The following C4BPB variants were observed in gnomAD, a reference collection of about 807,000 sequenced individuals.
C4BPB encodes the protein C4b-binding protein beta chain.
Under a neutral mutation model 26.6 loss-of-function variants are expected in C4BPB, and 19 were observed. That is an observed-to-expected ratio of 0.71 (90% confidence interval 0.50 to 1.05). The LOEUF is 1.05. Ranked by LOEUF, C4BPB falls within the 50% of genes least tolerant of loss-of-function variation. The probability of loss-of-function intolerance (pLI) is 0.00; values close to 1 mark genes in which losing one functional copy is unlikely to be tolerated. For missense variants in C4BPB, 282 were observed against 302.9 expected (o/e 0.93, Z 0.51); for synonymous variants, 118 against 103.5 (o/e 1.14, Z -0.85).
chr1:207,099,963 C>G lies in C4BPB; in HGVS notation c.*34C>G. Reference sequence around the variant, plus strand: ...CTGAGCAGATGTAATAGAAATAAACCTATGAATAAATTTTCTTCTTGGTTC... The same window carrying G: ...CTGAGCAGATGTAATAGAAATAAACGTATGAATAAATTTTCTTCTTGGTTC... On this transcript the variant is annotated 3_prime_UTR_variant, in exon 7 of 7. Transcript: ENST00000367078. 1 of 1,565,910 alleles carries G rather than the reference C, an allele frequency of 6.4e-7. No individual in the cohort carries two copies. The highest frequency in any genetic ancestry group is 8.6e-7 in the Non-Finnish European group (1 of 1,158,178).
At chr1:207,096,717 G>T in intron 5 of C4BPB, 102 bp downstream of exon 5, 1 of 674,802 alleles carries the variant, frequency 1.5e-6, no homozygotes. Flanking sequence ...ATTTCCTACT[G>T]CTGCAGGATT....
chr1:207,098,202 A>G lies in C4BPB; in HGVS notation c.556A>G (p.Ser186Gly). The G allele has an allele frequency of 6.2e-7, 1 of 1,614,154 alleles. No individual in the cohort carries two copies. The highest frequency in any genetic ancestry group is 2.2e-5 in the East Asian group (1 of 44,892). The change falls in exon 6 of 7, where the codon AGT (serine) becomes GGT (glycine). Residue 186 changes from serine to glycine, a missense_variant. Transcript: ENST00000367078. Reference protein sequence around the residue: ...EQQCVDGEWSSALPVCKLIQE... With the variant: ...EQQCVDGEWSGALPVCKLIQE... ...GCAATGCGTTGATGGGGAGTGGAGC[A>G]GTGCACTTCCAGTCTGCAAGTTGAT...
intron 4 of C4BPB, among the ~76,000 whole-genome samples, chr1:207,092,985 T>TC (rs1684099408): frequency 6.6e-6 from 1 of 152,206 alleles, no homozygotes; most frequent in Non-Finnish European, 1.5e-5. Flanking sequence ...CAGGATGCTA[T>TC]TATTTGCAGA....
At position 207,099,878 on chromosome 1, in the gene C4BPB, A is replaced by G; in HGVS notation, c.708A>G (p.Leu236=). The G allele has an allele frequency of 1.9e-6, 3 of 1,613,906 alleles. No homozygotes were observed. The highest frequency in any genetic ancestry group is 2.5e-6 in the Non-Finnish European group (3 of 1,179,784). Residue 236 remains leucine (L), a synonymous_variant, in exon 7 of 7, where the codon CTA becomes CTG. Transcript: ENST00000367078. ...LKESGMTMEE[L]KYSLELKKAE... ...AAAGTGGCATGACAATGGAGGAGCT[A>G]AAATATTCTCTGGAGCTGAAGAAAG...
Position 207,091,625 on chromosome 1 carries a change from T to C in C4BPB, c.233-19T>C. 1 of 1,606,172 alleles carries C rather than the reference T, an allele frequency of 6.2e-7. No individual in the cohort carries two copies. The highest frequency in any genetic ancestry group is 8.5e-7 in the Non-Finnish European group (1 of 1,175,694). ...CTTCAGCTTTGCCCTTTCAGCTTAT[T>C]GCTTATTTTCTTCTTCAGTGGGCCA... On this transcript the variant is annotated intron_variant, in intron 3 of 6. Coordinates refer to ENST00000367078, the MANE Select transcript of C4BPB (RefSeq NM_001017365.3).
In C4BPB at chr1:207,098,144, G is replaced by C. The variant is rs760444339; in HGVS notation, c.504-6G>C. 1 of 1,610,470 alleles carries C rather than the reference G, an allele frequency of 6.2e-7. No individual in the cohort carries two copies. The highest frequency in any genetic ancestry group is 1.7e-5 in the Admixed American group (1 of 59,988). ...AAAGCTAAGCCTTGTTCTAATTTCT[G>C]TTCAGGTACTACTTAGTGGGCGTGC... On this transcript the variant is annotated splice_polypyrimidine_tract_variant and splice_region_variant and intron_variant, in intron 5 of 6. Transcript: ENST00000367078.
At chr1:207,097,719 C>T (rs191052740) in intron 5 of C4BPB, 10 of 170,904 alleles carry the variant, frequency 5.9e-5, no homozygotes, top group Admixed American at 3.5e-4. Flanking sequence ...AGGCAACTCT[C>T]ATATTTTTCT....
intron 4 of C4BPB, among the ~76,000 whole-genome samples, chr1:207,093,344 A>C (rs1684115763): frequency 1.3e-5 from 2 of 152,224 alleles, no homozygotes; most frequent in East Asian, 3.8e-4. Context: ...GAAAATGATG[A>C]ATGATGTATA....
At chr1:207,098,021 T>C in intron 5 of C4BPB, 129 bp from the exon 6 acceptor site, 2 of 717,278 alleles carry the variant, frequency 2.8e-6, no homozygotes, top group Admixed American at 2.3e-5. Flanking sequence ...TAAGCATGCA[T>C]TGAGGCTCAA....
intron 4 of C4BPB, among the ~76,000 whole-genome samples, chr1:207,093,245 C>A (rs1365901733): frequency 2.6e-5 from 4 of 151,986 alleles, no homozygotes; most frequent in Non-Finnish European, 5.9e-5. Context: ...CAATGCCTCC[C>A]AGGATTTTAA....
At position 207,090,572 on chromosome 1, in the gene C4BPB, T is replaced by C. The variant is rs975690449; in HGVS notation, c.232+91T>C. 3.2e-6 allele frequency: 4 copies of C among 1,233,548 alleles called. No individual in the cohort carries two copies. In the African/African-American group the frequency reaches 4.5e-5, roughly 14 times the overall value. 76.4% of individuals were successfully genotyped at this position (1,233,548 alleles called of 1,614,324 possible). A position where few individuals can be genotyped will look rare whatever the true frequency, so the allele number is the denominator to read the frequency against. ...TCCTATAGGCTGTGGTAAAACTTTATAAGAAAACAAAAATTCTCAATTTCT... is the reference window on the plus strand; with the variant it reads ...TCCTATAGGCTGTGGTAAAACTTTACAAGAAAACAAAAATTCTCAATTTCT... On this transcript the variant is annotated intron_variant, in intron 3 of 6. Coordinates refer to ENST00000367078, the MANE Select transcript of C4BPB (RefSeq NM_001017365.3).
intron 4 of C4BPB, chr1:207,095,679 G>A (rs55929150): frequency 0.033 from 11,113 of 336,800 alleles, 298 homozygotes; most frequent in South Asian, 0.081. Flanking sequence ...GTGTGTTCCT[G>A]CTCAAATCTC....
intron 3 of C4BPB, among the ~76,000 whole-genome samples, chr1:207,091,341 A>G (rs1684016031): frequency 6.6e-6 from 1 of 152,246 alleles, no homozygotes; most frequent in African/African-American, 2.4e-5. Context: ...ATTTTGAGCC[A>G]TGCTTAATAT....
intron 4 of C4BPB, among the ~76,000 whole-genome samples, chr1:207,094,052 C>T (rs1684148511): frequency 6.6e-6 from 1 of 152,176 alleles, no homozygotes. Flanking sequence ...ACATCTTTTA[C>T]TGATCAGATT....
At chr1:207,091,846 A>G in intron 4 of C4BPB, 26 bp downstream of exon 4, 6 of 1,584,348 alleles carry the variant, frequency 3.8e-6, no homozygotes, top group Middle Eastern at 3.4e-4. Context: ...ACCATCAAGG[A>G]TCCCCAAAAT....
chr1:207,090,573 A>G, intron 3 of C4BPB, 92 bp downstream of exon 3: 1 of 1,212,080 alleles, frequency 8.3e-7, no homozygotes, highest in South Asian at 1.7e-5. Flanking sequence ...AAAACTTTAT[A>G]AGAAAACAAA....
intron 3 of C4BPB, among the ~76,000 whole-genome samples, chr1:207,090,823 G>A (rs1015810842): frequency 4.6e-5 from 7 of 151,996 alleles, no homozygotes; most frequent in African/African-American, 1.2e-4. Flanking sequence ...GTATACAAAC[G>A]ACAGAAGAGT....
At position 207,095,916 on chromosome 1, in the gene C4BPB, C is replaced by T. The variant is rs369384431; in HGVS notation, c.410-606C>T. The T allele has an allele frequency of 1.2e-3, 205 of 174,996 alleles. 2 individuals carry two copies. The South Asian group carries it at 0.013, about 12-fold the overall frequency. 10.8% of individuals were successfully genotyped at this position (174,996 alleles called of 1,614,324 possible). ...TGCCTCCCTCCCCCTTTGCCTTCTG[C>T]CATGATTGTAAGTTTTCCGAGGCCT... On this transcript the variant is annotated intron_variant, in intron 4 of 6. Transcript: ENST00000367078.
intron 4 of C4BPB, 171 bp downstream of exon 4, chr1:207,091,991 A>C: frequency 2.4e-5 from 14 of 577,030 alleles, no homozygotes; most frequent in East Asian, 5.7e-5. Flanking sequence ...ATCTCACCTC[A>C]AGAGAATACA....
Sources: allele counts gnomAD v4.1 joint callset (sites outside exome capture counted in the v4.1 genomes callset), GRCh38; gene constraint gnomAD v4.1.1; transcripts MANE v1.5; gene names NCBI Gene and HGNC (gene_info 2026-07-23, HGNC 2026-07-21).